Variants in ZNF578 observed in about 807,000 individuals in gnomAD.
ZNF578 encodes Putative chemokine-related protein B42.
Under a neutral mutation model 8.3 loss-of-function variants are expected in ZNF578, and 8 were observed. The observed-to-expected ratio is 0.96, with a 90% CI of 0.56 to 1.74. The LOEUF is 1.74. Ranked by LOEUF, ZNF578 falls within the 40% of genes most tolerant of loss-of-function variation. The pLI, the probability that ZNF578 is intolerant of heterozygous loss-of-function variation, is 0.00. For synonymous variants in ZNF578, 206 were observed against 232.2 expected (o/e 0.89, Z 1.03); for missense variants, 726 against 707.5 (o/e 1.03, Z -0.30).
intron 3 of ZNF578, among the ~76,000 whole-genome samples, chr19:52,500,877 CTTTTT>C (rs10594903): frequency 0.025 from 2,916 of 117,492 alleles, 94 homozygotes; most frequent in African/African-American, 0.087. Flanking sequence ...TTTTGTGTGA[CTTTTT>C]TTTTTTTTTT....
rs1030440018 is a variant in ZNF578 at position 52,506,454 on chromosome 19, TAC to T, written c.190+1675_190+1676del. Among the ~76,000 whole-genome samples, 38 of 139,410 alleles carry T rather than the reference TAC, an allele frequency of 2.7e-4. No individual in the cohort carries two copies. The Admixed American group carries it at 2.9e-3, about 10-fold the overall frequency. 91.5% of individuals were successfully genotyped at this position (139,410 alleles called of 152,430 possible). ...GGTGAAACCACATCTCTATTAAAAG[TAC>T]AGTTTCTTTTTTTTTTTTTTTTTTT... On this transcript the variant is annotated intron_variant, in intron 5 of 5. Transcript: ENST00000421239.
intron 1 of ZNF578, chr19:52,454,146 A>G (rs898711488): frequency 6.6e-6 from 1 of 152,160 alleles, no homozygotes; most frequent in African/African-American, 2.4e-5. Flanking sequence ...TTTGACACTC[A>G]GTGTTTTTCC....
chr19:52,512,024 T>C lies in ZNF578; in HGVS notation c.1643T>C (p.Phe548Ser), dbSNP rs1007946602. The change falls in exon 6 of 6, where the codon TTC (phenylalanine) becomes TCC (serine). Residue 548 changes from phenylalanine to serine, a missense_variant. Phe to Ser is a radical substitution (Grantham distance 155). Coordinates refer to ENST00000421239, the MANE Select transcript of ZNF578 (RefSeq NM_001099694.2). ...AAATGTAAGGTTTGTGACAAGGCTT[T>C]CATGTGCCATTCTTATCTGGCAAAC... ...PYKCKVCDKA[F>S]MCHSYLANHT... The C allele has an allele frequency of 5.0e-6, 8 of 1,614,094 alleles. No individual in the cohort carries two copies. Among genetic ancestry groups the C allele is most frequent in the Non-Finnish European group, 6.8e-6 (8 of 1,180,012 alleles).
At chr19:52,463,571 A>G (rs1321496192) in intron 2 of ZNF578, among the ~76,000 whole-genome samples, 1 of 152,240 alleles carries the variant, frequency 6.6e-6, no homozygotes, top group East Asian at 1.9e-4. Context: ...GTTATATAGA[A>G]AAGAAATTCC....
At chr19:52,493,051 T>G (rs556370811) in intron 3 of ZNF578, among the ~76,000 whole-genome samples, 1 of 152,200 alleles carries the variant, frequency 6.6e-6, no homozygotes, top group Non-Finnish European at 1.5e-5. Context: ...CGGAGGCTGG[T>G]CCAGTCCCTG....
Position 52,509,624 on chromosome 19 carries a change from A to G in ZNF578, c.191-948A>G, listed in dbSNP as rs182889886. Among the ~76,000 whole-genome samples the G allele has an allele frequency of 2.6e-3, 391 of 152,214 alleles. 3 individuals are homozygous for G. Among genetic ancestry groups the G allele is most frequent in the African/African-American group, 9.0e-3 (375 of 41,528 alleles). On this transcript the variant is annotated intron_variant, in intron 5 of 5. Coordinates refer to ENST00000421239, the MANE Select transcript of ZNF578 (RefSeq NM_001099694.2). ...TCTACCAAAAACACACAAACTAGCC[A>G]GTCATAGTGGTGTGTGCCTGTAATC...
intron 2 of ZNF578, among the ~76,000 whole-genome samples, chr19:52,490,786 C>A (rs568998776): frequency 6.6e-6 from 1 of 151,998 alleles, no homozygotes; most frequent in Non-Finnish European, 1.5e-5. Context: ...TACAGGTGAC[C>A]GCCACCACGC....
intron 2 of ZNF578, among the ~76,000 whole-genome samples, chr19:52,478,347 A>T (rs1230816581): frequency 2.6e-5 from 4 of 152,150 alleles, no homozygotes; most frequent in Admixed American, 6.5e-5. Context: ...GGCTATTTGT[A>T]TCGGGCCTTA....
At chr19:52,466,354 G>A (rs922480646) in intron 2 of ZNF578, among the ~76,000 whole-genome samples, 1 of 152,186 alleles carries the variant, frequency 6.6e-6, no homozygotes, top group African/African-American at 2.4e-5. Context: ...ACAGATAAGA[G>A]AGCAGGTCTT....
intron 2 of ZNF578, chr19:52,473,667 G>T (rs2059299085): frequency 9.5e-6 from 2 of 210,262 alleles, no homozygotes; most frequent in South Asian, 1.7e-4. Flanking sequence ...TCTCCAGTAT[G>T]AATTCTCTGA....
chr19:52,473,957 A>T (rs1249842330), intron 2 of ZNF578: 1 of 367,458 alleles, frequency 2.7e-6, no homozygotes, highest in Non-Finnish European at 5.4e-6. Context: ...ATTGTGACTA[A>T]AGATCTTACC....
chr19:52,467,998 A>G (rs1484601662), intron 2 of ZNF578, among the ~76,000 whole-genome samples: 1 of 152,130 alleles, frequency 6.6e-6, no homozygotes, highest in Non-Finnish European at 1.5e-5. Flanking sequence ...GTGCATACTC[A>G]TGCATATTTT....
intron 2 of ZNF578, among the ~76,000 whole-genome samples, chr19:52,484,577 G>A (rs1445555536): frequency 6.6e-6 from 1 of 151,916 alleles, no homozygotes; most frequent in African/African-American, 2.4e-5. Context: ...CTAAGCCATC[G>A]TATACCCTGT....
rs59166209 is a variant in ZNF578 at position 52,503,800 on chromosome 19, C to CTT, written c.64-840_64-839dup. Among the ~76,000 whole-genome samples the CTT allele has an allele frequency of 2.2e-4, 28 of 125,500 alleles. 1 individual carries two copies. Among genetic ancestry groups the CTT allele is most frequent in the African/African-American group, 6.4e-4 (22 of 34,304 alleles). 82.3% of individuals were successfully genotyped at this position (125,500 alleles called of 152,430 possible). A position where few individuals can be genotyped will look rare whatever the true frequency, so the allele number is the denominator to read the frequency against. On this transcript the variant is annotated intron_variant, in intron 4 of 5. Coordinates refer to ENST00000421239, the MANE Select transcript of ZNF578 (RefSeq NM_001099694.2). ...GTCTGTAGAGAAAACCCTGTGTTTGCTTTTTTTTTTTTTTTTGAGATGGAG... is the reference window on the plus strand; with the variant it reads ...GTCTGTAGAGAAAACCCTGTGTTTGCTTTTTTTTTTTTTTTTTTGAGATGGAG...
chr19:52,510,562 T>C lies in ZNF578; in HGVS notation c.191-10T>C. On this transcript the variant is annotated splice_polypyrimidine_tract_variant and intron_variant, in intron 5 of 5. Transcript: ENST00000421239. The stretch of plus-strand genomic sequence containing the variant: ...TTAATTGCAAACGTATTGGTGTTTA[T>C]ATTTTGTAGATATCTCTTCCAAACG... 6.6e-7 allele frequency: 1 copy of C among 1,518,864 alleles called. No individual in the cohort carries two copies. The highest frequency in any genetic ancestry group is 8.8e-7 in the Non-Finnish European group (1 of 1,135,708). The allele number at this position is 1,518,864 out of a possible 1,614,324, so 94.1% of individuals were successfully genotyped here.
intron 4 of ZNF578, among the ~76,000 whole-genome samples, chr19:52,502,408 GTC>G (rs1324709395): frequency 6.6e-6 from 1 of 151,906 alleles, no homozygotes; most frequent in Admixed American, 6.6e-5. Context: ...AGATCAAGAT[GTC>G]TCTGTCTCCA....
chr19:52,482,461 C>G (rs2122846859), intron 2 of ZNF578, among the ~76,000 whole-genome samples: 2 of 152,198 alleles, frequency 1.3e-5, no homozygotes, highest in East Asian at 3.9e-4. Context: ...CACAGTGAAA[C>G]CCCATCTCTA....
At chr19:52,466,162 A>G (rs565306139) in intron 2 of ZNF578, among the ~76,000 whole-genome samples, 1 of 152,356 alleles carries the variant, frequency 6.6e-6, no homozygotes, top group South Asian at 2.1e-4. Flanking sequence ...TCATACACCT[A>G]ATCTATAGCA....
In ZNF578 at chr19:52,499,689, G is replaced by GTTTTTTTTTTTTTTTTTT. The variant is rs66824085; in HGVS notation, c.-19-2125_-19-2124insTTTTTTTTTTTTTTTTTT. Among the ~76,000 whole-genome samples, 11 of 141,544 alleles carry GTTTTTTTTTTTTTTTTTT rather than the reference G, an allele frequency of 7.8e-5. 1 individual carries two copies. Among genetic ancestry groups the GTTTTTTTTTTTTTTTTTT allele is most frequent in the African/African-American group, 2.9e-4 (11 of 37,490 alleles). The allele number at this position is 141,544 out of a possible 152,430, so 92.9% of individuals were successfully genotyped here. ...TGAGAAGATACATCACTTCCAAATC[G>GTTTTTTTTTTTTTTTTTT]TTTTTTTTTTTTTGAGATGAATTTT... On this transcript the variant is annotated intron_variant, in intron 3 of 5. Coordinates refer to ENST00000421239, the MANE Select transcript of ZNF578 (RefSeq NM_001099694.2).
Sources: gnomAD v4.1 joint callset for allele counts (sites outside exome capture counted in the v4.1 genomes callset) on GRCh38, gnomAD v4.1.1 for gene constraint, MANE v1.5 for transcripts, NCBI Gene and HGNC (gene_info 2026-07-23, HGNC 2026-07-21) for gene names.